Variants in PYGL observed in about 807,000 individuals in gnomAD.
PYGL encodes glycogen phosphorylase L.
In PYGL, 90 loss-of-function variants were observed where a neutral mutation model predicts 100.1. That is an observed-to-expected ratio of 0.90 (90% CI 0.76 to 1.07). The LOEUF (loss-of-function observed/expected upper bound fraction) is 1.07. Among genes scored for constraint, PYGL ranks in the 50% least tolerant of loss-of-function variants. The pLI is 0.00. For synonymous variants in PYGL, 373 were observed against 393.0 expected (o/e 0.95, Z 0.60); for missense variants, 1,016 against 1,057.6 (o/e 0.96, Z 0.55).
chr14:50,908,407 C>T (rs1467854280), intron 18 of PYGL, 70 bp from the exon 19 acceptor site: 1 of 1,327,296 alleles, frequency 7.5e-7, no homozygotes, highest in Non-Finnish European at 1.1e-6. Context: ...GCTAAAATTC[C>T]ATGTAAAATC....
rs748824616 is a variant in PYGL at position 50,920,601 on chromosome 14, C to T, written c.795G>A (p.Gln265=). The T allele has an allele frequency of 6.2e-7, 1 of 1,612,448 alleles. No individual in the cohort carries two copies. Among genetic ancestry groups the T allele is most frequent in the Non-Finnish European group, 8.5e-7 (1 of 1,178,488 alleles). The stretch of plus-strand genomic sequence containing the variant: ...CGGCCAGGTTTCGGTCCAGCACAGC[C>T]TGAATGTAGTCTCCAACATTAACTA... ...LRDFNVGDYI[Q]AVLDRNLAEN... The change falls in exon 7 of 20, where the codon CAG becomes CAA. Residue 265 remains glutamine, a synonymous_variant. Coordinates refer to ENST00000216392, the MANE Select transcript of PYGL (RefSeq NM_002863.5).
Position 50,924,077 on chromosome 14 carries a change from G to A in PYGL, c.552C>T (p.Leu184=). The A allele has an allele frequency of 6.2e-7, 1 of 1,613,826 alleles. No individual in the cohort carries two copies. The highest frequency in any genetic ancestry group is 2.2e-5 in the East Asian group (1 of 44,872). Residue 184 remains leucine (L), a synonymous_variant, in exon 5 of 20, where the codon CTC becomes CTT. Transcript: ENST00000216392. ...ACTTCTCCCAAGGGTTTCCATATCTGAGCCAATCATCTGCTTCTTCTACCT... is the reference window on the plus strand; with the variant it reads ...ACTTCTCCCAAGGGTTTCCATATCTAAGCCAATCATCTGCTTCTTCTACCT... ...GWQVEEADDW[L]RYGNPWEKSR...
In PYGL at chr14:50,912,184, G is replaced by T. The variant is rs745667858; in HGVS notation, c.1740C>A (p.Asn580Lys). 5 of 1,614,228 alleles carry T rather than the reference G, an allele frequency of 3.1e-6. No individual in the cohort carries two copies. The highest frequency in any genetic ancestry group is 4.2e-6 in the Non-Finnish European group (5 of 1,180,042). ...RIHEYKRQLL[N>K]CLHVITMYNR... is the part of the protein sequence containing the mutation. ...TGTACATCGTGATCACATGCAGACA[G>T]TTCAAGAGCTGTCGCTTGTACTCAT... is the stretch of plus-strand genomic sequence containing the variant. Residue 580 changes from asparagine to lysine, a missense_variant, in exon 14 of 20, where the codon AAC becomes AAA. Coordinates refer to ENST00000216392, the MANE Select transcript of PYGL (RefSeq NM_002863.5).
In PYGL at chr14:50,908,301, C is replaced by G. The variant is rs1236060619; in HGVS notation, c.2349G>C (p.Lys783Asn). ...ACAGCTGACTCACTTTATCTTGACA[C>G]TTGACATAGGCTTCGTAGTCTGCAA... Reference protein sequence around the residue: ...KVFADYEAYVKCQDKVSQLYM... With the variant: ...KVFADYEAYVNCQDKVSQLYM... Residue 783 changes from lysine to asparagine, a missense_variant, in exon 19 of 20, where the codon AAG becomes AAC. Transcript: ENST00000216392. 15 of 1,605,312 alleles carry G rather than the reference C, an allele frequency of 9.3e-6. No individual in the cohort carries two copies. Among genetic ancestry groups the G allele is most frequent in the Non-Finnish European group, 1.2e-5 (14 of 1,172,054 alleles).
chr14:50,920,849 C>T, intron 6 of PYGL, 107 bp downstream of exon 6: 1 of 1,227,386 alleles, frequency 8.1e-7, no homozygotes, highest in Non-Finnish European at 1.2e-6. Context: ...AAGTTCAGAT[C>T]AGAAACTCAA....
chr14:50,915,113 T>G, intron 11 of PYGL: 1 of 652,146 alleles, frequency 1.5e-6, no homozygotes, highest in Middle Eastern at 4.2e-4. Flanking sequence ...TTGTTTGTTT[T>G]GGCTCCTATG....
chr14:50,913,223 C>A, intron 12 of PYGL, 93 bp from the exon 13 acceptor site: 1 of 985,760 alleles, frequency 1.0e-6, no homozygotes, highest in East Asian at 2.5e-5. Context: ...TGTCACCTAC[C>A]ACAGTGTAGT....
At chr14:50,916,566 AAAG>A (rs113232014) in intron 9 of PYGL, 73 bp downstream of exon 9, 23,503 of 1,337,094 alleles carry the variant, frequency 0.018, 265 homozygotes, top group African/African-American at 0.027. Context: ...GAAAAACTAA[AAAG>A]GGAGTTTTTG....
chr14:50,941,188 C>T (rs2050699137), intron 1 of PYGL, among the ~76,000 whole-genome samples: 1 of 152,192 alleles, frequency 6.6e-6, no homozygotes, highest in African/African-American at 2.4e-5. Context: ...GGATCATATA[C>T]TCAAATGCCT....
At chr14:50,933,959 T>C (rs2050628916) in intron 3 of PYGL, among the ~76,000 whole-genome samples, 1 of 152,218 alleles carries the variant, frequency 6.6e-6, no homozygotes, top group Admixed American at 6.5e-5. Flanking sequence ...GGAAAGTACA[T>C]CTAGGTCAAT....
chr14:50,926,747 A>G (rs997119834), intron 4 of PYGL, among the ~76,000 whole-genome samples: 2 of 150,714 alleles, frequency 1.3e-5, no homozygotes, highest in South Asian at 2.1e-4. Flanking sequence ...AAAAAAAAAA[A>G]AAAAAAGAAA....
At chr14:50,933,775 C>T (rs930368743) in intron 3 of PYGL, among the ~76,000 whole-genome samples, 2 of 152,046 alleles carry the variant, frequency 1.3e-5, no homozygotes, top group African/African-American at 4.8e-5. Flanking sequence ...TACACACACA[C>T]ACACATATAT....
At chr14:50,922,942 T>A (rs932124253) in intron 5 of PYGL, among the ~76,000 whole-genome samples, 2 of 152,268 alleles carry the variant, frequency 1.3e-5, no homozygotes, top group African/African-American at 4.8e-5. Flanking sequence ...GACACGTGAC[T>A]GTGTCATTTG....
intron 9 of PYGL, 53 bp from the exon 10 acceptor site, chr14:50,916,024 C>T: frequency 1.9e-6 from 3 of 1,610,070 alleles, no homozygotes; most frequent in Non-Finnish European, 2.5e-6. Flanking sequence ...CACCCCACTG[C>T]ACGGGCCAAA....
chr14:50,910,794 C>A (rs958925831), intron 16 of PYGL, among the ~76,000 whole-genome samples: 2 of 152,166 alleles, frequency 1.3e-5, no homozygotes, highest in Admixed American at 6.5e-5. Context: ...ACTTTTCCTG[C>A]AGGGAAATAA....
Position 50,908,136 on chromosome 14 carries a change from G to GT in PYGL, c.2379+134dup. Reference sequence around the variant, plus strand: ...TTGTTGTGGTTGTTTGTTTGTTTTTGTTGTTTTTTTTTTGATTGCTTAATG... The same window carrying GT: ...TTGTTGTGGTTGTTTGTTTGTTTTTGTTTGTTTTTTTTTTGATTGCTTAATG... On this transcript the variant is annotated intron_variant, in intron 19 of 19. Transcript: ENST00000216392. 9.0e-6 allele frequency: 5 copies of GT among 553,298 alleles called. No homozygotes were observed. In the South Asian group the frequency reaches 1.4e-4, roughly 16 times the overall value. The allele number at this position is 553,298 out of a possible 1,614,324, so 34.3% of individuals were successfully genotyped here. A position where few individuals can be genotyped will look rare whatever the true frequency, so the allele number is the denominator to read the frequency against.
At chr14:50,907,638 G>A (rs758338337) in intron 19 of PYGL, among the ~76,000 whole-genome samples, 9 of 152,266 alleles carry the variant, frequency 5.9e-5, no homozygotes, top group Non-Finnish European at 7.4e-5. Flanking sequence ...TAAAAAAGAC[G>A]CCTAATGCCC....
chr14:50,911,723 G>T lies in PYGL; in HGVS notation c.1969+7C>A, dbSNP rs998166878. ...GGCCCCTGCATATTTTGCAATGAGGGTAGTACCTTTTTCAGCAAGAGATAC... is the reference window on the plus strand; with the variant it reads ...GGCCCCTGCATATTTTGCAATGAGGTTAGTACCTTTTTCAGCAAGAGATAC... On this transcript the variant is annotated splice_region_variant and intron_variant, in intron 16 of 19. Transcript: ENST00000216392. The T allele has an allele frequency of 3.1e-6, 5 of 1,613,998 alleles. No individual in the cohort carries two copies. The African/African-American group carries it at 4.0e-5, about 13-fold the overall frequency.
At position 50,944,216 on chromosome 14, in the gene PYGL, T is replaced by C. The variant is rs760984572; in HGVS notation, c.188A>G (p.His63Arg). Residue 63 changes from histidine (H) to arginine (R), a missense_variant, in exon 1 of 20, where the codon CAC becomes CGC. Coordinates refer to ENST00000216392, the MANE Select transcript of PYGL (RefSeq NM_002863.5). ...CGTGCGGATCCAGCGCCCCACCAGG[T>C]GGTCGCGCACCGTGTGCGCCAGCGC... ...YFALAHTVRD[H>R]LVGRWIRTQQ... is the part of the protein sequence containing the mutation. 6.2e-7 allele frequency: 1 copy of C among 1,612,490 alleles called. No individual in the cohort carries two copies. The highest frequency in any genetic ancestry group is 1.1e-5 in the South Asian group (1 of 91,068).
Sources: allele counts gnomAD v4.1 joint callset (sites outside exome capture counted in the v4.1 genomes callset), GRCh38; gene constraint gnomAD v4.1.1; transcripts MANE v1.5; gene names NCBI Gene and HGNC (gene_info 2026-07-23, HGNC 2026-07-21).